The following CHRM3 variants were observed in gnomAD, a reference collection of about 807,000 sequenced individuals.
The protein encoded by CHRM3 is cholinergic receptor muscarinic 3.
In CHRM3, 11 loss-of-function variants were observed where a neutral mutation model predicts 41.8. That is an observed-to-expected ratio of 0.26 (90% confidence interval 0.17 to 0.44). CHRM3 has a LOEUF of 0.44. CHRM3 is among the 20% of genes least tolerant of loss of function. The probability of loss-of-function intolerance (pLI) is 1.00; values close to 1 mark genes in which losing one functional copy is unlikely to be tolerated. For synonymous variants in CHRM3, 297 were observed against 301.4 expected, an observed-to-expected ratio of 0.99 and a Z score of 0.15; for missense variants, 571 against 745.4, an observed-to-expected ratio of 0.77 and a Z score of 2.72.
chr1:239,703,417 G>C (rs899370767), intron 5 of CHRM3: 2 of 152,298 alleles, frequency 1.3e-5, no homozygotes, highest in African/African-American at 4.8e-5. Context: ...GAGGAGAAGC[G>C]TGGGAAATGA....
At chr1:239,772,312 G>A (rs544618712) in intron 5 of CHRM3, among the ~76,000 whole-genome samples, 4 of 152,056 alleles carry the variant, frequency 2.6e-5, no homozygotes, top group South Asian at 2.1e-4. Context: ...CGCCACAACC[G>A]GATAATTTTT....
chr1:239,884,620 C>G (rs191924996), intron 6 of CHRM3, among the ~76,000 whole-genome samples: 1 of 152,282 alleles, frequency 6.6e-6, no homozygotes. Flanking sequence ...ATTTGGTTCA[C>G]CTCTGCTGTA....
At chr1:239,453,221 C>G (rs769854443) in intron 1 of CHRM3, among the ~76,000 whole-genome samples, 4 of 152,204 alleles carry the variant, frequency 2.6e-5, no homozygotes, top group Non-Finnish European at 4.4e-5. Context: ...AATTTGACCT[C>G]TCCATTATAT....
chr1:239,397,613 A>G (rs1659599351), intron 1 of CHRM3, among the ~76,000 whole-genome samples: 1 of 151,620 alleles, frequency 6.6e-6, no homozygotes, highest in Admixed American at 6.6e-5. Flanking sequence ...CAGAGGTTGC[A>G]GTGAGCGGAG....
chr1:239,818,065 G>A (rs1346678033), intron 5 of CHRM3, among the ~76,000 whole-genome samples: 1 of 152,134 alleles, frequency 6.6e-6, no homozygotes, highest in Non-Finnish European at 1.5e-5. Context: ...CTTAAACGAA[G>A]GACATTTCTA....
intron 4 of CHRM3, among the ~76,000 whole-genome samples, chr1:239,651,985 G>GTTTTTT (rs56096731): frequency 7.1e-6 from 1 of 140,234 alleles, no homozygotes; most frequent in Non-Finnish European, 1.6e-5. Flanking sequence ...GCCAGTTTTT[G>GTTTTTT]TTTTTTTTTT....
At chr1:239,531,279 C>A (rs1256805166) in intron 2 of CHRM3, among the ~76,000 whole-genome samples, 2 of 152,032 alleles carry the variant, frequency 1.3e-5, no homozygotes, top group Non-Finnish European at 2.9e-5. Flanking sequence ...GTAATCAAGG[C>A]AGTGTGATAT....
At chr1:239,514,150 A>G (rs963499713) in intron 2 of CHRM3, among the ~76,000 whole-genome samples, 2 of 152,138 alleles carry the variant, frequency 1.3e-5, no homozygotes, top group African/African-American at 4.8e-5. Context: ...TATAGAATCA[A>G]GTTTGCCAGT....
At chr1:239,769,542 G>T (rs1054460078) in intron 5 of CHRM3, among the ~76,000 whole-genome samples, 1 of 152,136 alleles carries the variant, frequency 6.6e-6, no homozygotes, top group African/African-American at 2.4e-5. Context: ...TGACTTTGTC[G>T]CTGTAGCTCT....
chr1:239,550,247 C>A (rs1387430756), intron 3 of CHRM3, among the ~76,000 whole-genome samples: 1 of 152,162 alleles, frequency 6.6e-6, no homozygotes, highest in African/African-American at 2.4e-5. Context: ...GCACGGTCAT[C>A]TGTGAAAACT....
intron 6 of CHRM3, among the ~76,000 whole-genome samples, chr1:239,853,686 A>G (rs1674881747): frequency 6.6e-6 from 1 of 152,098 alleles, no homozygotes; most frequent in African/African-American, 2.4e-5. Flanking sequence ...CTGTATCTTC[A>G]GGAAGCATGC....
At chr1:239,745,647 G>T (rs532938720) in intron 5 of CHRM3, among the ~76,000 whole-genome samples, 1 of 151,544 alleles carries the variant, frequency 6.6e-6, no homozygotes. Context: ...TCTCCTACCC[G>T]CCCCCACCAC....
chr1:239,796,319 A>G (rs1669763793), intron 5 of CHRM3, among the ~76,000 whole-genome samples: 1 of 152,206 alleles, frequency 6.6e-6, no homozygotes, highest in Non-Finnish European at 1.5e-5. Flanking sequence ...AAGAAGTGGA[A>G]AACAAAGATT....
In CHRM3 at chr1:239,429,022, C is replaced by T. The variant is rs145315881; in HGVS notation, c.-521+41795C>T. Among the ~76,000 whole-genome samples the T allele has an allele frequency of 2.5e-3, 388 of 152,182 alleles. 7 individuals are homozygous for T. The highest frequency in any genetic ancestry group is 0.022 in the Admixed American group (340 of 15,290). ...GAAATATACACATGAGGGCATTGTA[C>T]CCAGAATTTTTCCCCACTGAGTTTT... On this transcript the variant is annotated intron_variant, in intron 1 of 6. Transcript: ENST00000676153.
In CHRM3 at chr1:239,414,845, T is replaced by C. The variant is rs547957608; in HGVS notation, c.-521+27618T>C. 2.8e-3 allele frequency among the ~76,000 whole-genome samples: 434 copies of C among 152,336 alleles called. 4 individuals carry two copies. Among genetic ancestry groups the C allele is most frequent in the African/African-American group, 0.01 (423 of 41,580 alleles). ...AATAATTTATTGGTAAAAATACCAATATTAGCATTTACAAAAATTTTTGTT... is the reference window on the plus strand; with the variant it reads ...AATAATTTATTGGTAAAAATACCAACATTAGCATTTACAAAAATTTTTGTT... On this transcript the variant is annotated intron_variant, in intron 1 of 6. Transcript: ENST00000676153.
intron 5 of CHRM3, chr1:239,718,926 A>C (rs1485263318): frequency 6.6e-6 from 1 of 152,026 alleles, no homozygotes; most frequent in African/African-American, 2.4e-5. Context: ...AAAAAGACTT[A>C]ATGTACAGAG....
At chr1:239,855,430 A>T (rs1391483098) in intron 6 of CHRM3, among the ~76,000 whole-genome samples, 1 of 152,182 alleles carries the variant, frequency 6.6e-6, no homozygotes, top group Non-Finnish European at 1.5e-5. Flanking sequence ...ACTTTCTCTC[A>T]ATTAGACAAG....
chr1:239,552,466 G>A (rs940571749), intron 3 of CHRM3, among the ~76,000 whole-genome samples: 1 of 146,232 alleles, frequency 6.8e-6, no homozygotes. Flanking sequence ...TTTTATATAT[G>A]TATAGATGAT....
chr1:239,567,073 G>T (rs1413339504), intron 3 of CHRM3, among the ~76,000 whole-genome samples: 1 of 152,064 alleles, frequency 6.6e-6, no homozygotes, highest in Non-Finnish European at 1.5e-5. Context: ...ACAATTTTAT[G>T]ATTGCTCTTT....
Sources: allele counts gnomAD v4.1 joint callset (sites outside exome capture counted in the v4.1 genomes callset), GRCh38; gene constraint gnomAD v4.1.1; transcripts MANE v1.5; gene names NCBI Gene and HGNC (gene_info 2026-07-23, HGNC 2026-07-21).